Variants in TP63 observed in about 807,000 individuals in gnomAD.
TP63 encodes the protein tumor protein 63.
In TP63, 17 loss-of-function variants were observed where a neutral mutation model predicts 82.8. The observed-to-expected ratio is 0.21, with a 90% CI of 0.14 to 0.31. The LOEUF is 0.31. Among genes scored for constraint, TP63 ranks in the 10% least tolerant of loss-of-function variants. The pLI is 1.00. For missense variants in TP63, 648 were observed against 895.3 expected (o/e 0.72, Z 3.52); for synonymous variants, 330 against 321.7 (o/e 1.03, Z -0.28).
intron 2 of TP63, among the ~76,000 whole-genome samples, chr3:189,738,270 A>C (rs1330643097): frequency 6.6e-6 from 1 of 152,186 alleles, no homozygotes; most frequent in Non-Finnish European, 1.5e-5. Flanking sequence ...TTCTTTATTA[A>C]AACAGGTTTG....
chr3:189,679,475 G>A (rs1006316779), intron 1 of TP63, among the ~76,000 whole-genome samples: 7 of 151,876 alleles, frequency 4.6e-5, no homozygotes, highest in Non-Finnish European at 8.8e-5. Context: ...TTTTAAATTA[G>A]ATTATTTGTT....
In TP63 at chr3:189,896,518, A is replaced by G. The variant is rs115660354; in HGVS notation, c.*2016A>G. On this transcript the variant is annotated 3_prime_UTR_variant, in exon 14 of 14. Transcript: ENST00000264731. ...GATTTCAAAGTTTTGTTGTACTTAAATGGTAATAAGCACTGTAAACTTCTG... is the reference window on the plus strand; with the variant it reads ...GATTTCAAAGTTTTGTTGTACTTAAGTGGTAATAAGCACTGTAAACTTCTG... The G allele has an allele frequency of 3.7e-3, 779 of 208,676 alleles. 5 individuals carry two copies. Among genetic ancestry groups the G allele is most frequent in the African/African-American group, 0.015 (671 of 44,026 alleles). 12.9% of individuals were successfully genotyped at this position (208,676 alleles called of 1,614,324 possible).
chr3:189,833,612 GTCT>G (rs1406662024), intron 4 of TP63, among the ~76,000 whole-genome samples: 4 of 151,564 alleles, frequency 2.6e-5, no homozygotes, highest in Non-Finnish European at 4.4e-5. Flanking sequence ...CCAGCTTCCT[GTCT>G]TCTTAGAAGC....
chr3:189,853,433 C>T (rs563148565), intron 4 of TP63, among the ~76,000 whole-genome samples: 1 of 152,300 alleles, frequency 6.6e-6, no homozygotes, highest in South Asian at 2.1e-4. Context: ...GTGCACTGGC[C>T]TCCATGGCAA....
intron 1 of TP63, among the ~76,000 whole-genome samples, chr3:189,633,818 C>G (rs1353148873): frequency 6.6e-6 from 1 of 152,082 alleles, no homozygotes. Context: ...AGCTCTTACT[C>G]AGCATCTGCT....
chr3:189,672,829 T>A (rs1380754422), intron 1 of TP63, among the ~76,000 whole-genome samples: 3 of 152,156 alleles, frequency 2.0e-5, no homozygotes, highest in South Asian at 2.1e-4. Flanking sequence ...TTGGTTTTTT[T>A]AACATAATTA....
At chr3:189,640,271 A>G (rs1284982106) in intron 1 of TP63, among the ~76,000 whole-genome samples, 1 of 152,102 alleles carries the variant, frequency 6.6e-6, no homozygotes, top group Non-Finnish European at 1.5e-5. Context: ...CAGGCAATAA[A>G]TGAGACAAAA....
chr3:189,801,638 T>G (rs552139311), intron 3 of TP63, among the ~76,000 whole-genome samples: 157 of 152,330 alleles, frequency 1.0e-3, no homozygotes, highest in East Asian at 2.5e-3. Flanking sequence ...CAAATGTTTG[T>G]TGACATTGTT....
At chr3:189,677,380 T>TTATATATTTA (rs1715517562) in intron 1 of TP63, among the ~76,000 whole-genome samples, 1 of 123,072 alleles carries the variant, frequency 8.1e-6, no homozygotes, top group African/African-American at 3.2e-5. Flanking sequence ...ATGTAAATAA[T>TTATATATTTA]TATATATAAA....
the TP63 span, among the ~76,000 whole-genome samples, chr3:189,603,233 G>C: frequency 3.9e-5 from 6 of 152,016 alleles, no homozygotes; most frequent in Admixed American, 3.9e-4. Context: ...ACCAGCAATG[G>C]GCTCAAAGTG....
At chr3:189,742,156 T>C (rs945434103) in intron 3 of TP63, among the ~76,000 whole-genome samples, 1 of 144,742 alleles carries the variant, frequency 6.9e-6, no homozygotes. Context: ...GGCAGGAGAA[T>C]CGCTTGAGCC....
chr3:189,631,200 G>T, upstream of TP63: 1 of 983,312 alleles, frequency 1.0e-6, no homozygotes, highest in Non-Finnish European at 1.2e-6. Context: ...CCAACAACAA[G>T]TGTGGCTACT....
chr3:189,757,039 G>C lies in TP63; in HGVS notation c.324+18265G>C, dbSNP rs575822528. Among the ~76,000 whole-genome samples the C allele has an allele frequency of 8.1e-4, 123 of 152,168 alleles. 4 individuals are homozygous for C. In the South Asian group the frequency reaches 0.025, roughly 31 times the overall value. ...CTATTAGTCATCTGTCCTTTCCTTT[G>C]GCAAAATATGCATACATACATATAT... On this transcript the variant is annotated intron_variant, in intron 3 of 13. Coordinates refer to ENST00000264731, the MANE Select transcript of TP63 (RefSeq NM_003722.5).
intron 3 of TP63, among the ~76,000 whole-genome samples, chr3:189,767,851 T>C (rs1040660713): frequency 2.0e-4 from 30 of 152,282 alleles, no homozygotes; most frequent in African/African-American, 7.2e-4. Flanking sequence ...GACCCTGGAT[T>C]GTAGTCATGA....
intron 4 of TP63, among the ~76,000 whole-genome samples, chr3:189,843,862 A>G (rs373917834): frequency 5.0e-4 from 76 of 152,332 alleles, no homozygotes; most frequent in African/African-American, 1.7e-3. Flanking sequence ...CTTTGTTTCC[A>G]TGATTCACTG....
At chr3:189,864,147 G>C in intron 4 of TP63, 85 bp from the exon 5 acceptor site, 1 of 1,583,240 alleles carries the variant, frequency 6.3e-7, no homozygotes, top group Non-Finnish European at 8.7e-7. Context: ...AAAGTGGACA[G>C]ATTTTCATTG....
chr3:189,672,677 GA>G (rs1221750686), intron 1 of TP63, among the ~76,000 whole-genome samples: 1 of 71,696 alleles, frequency 1.4e-5, no homozygotes, highest in Non-Finnish European at 3.7e-5. Flanking sequence ...AGGAAGGAAG[GA>G]AGGAAGGAAG....
At chr3:189,687,180 A>G (rs915401896) in intron 1 of TP63, among the ~76,000 whole-genome samples, 1 of 152,122 alleles carries the variant, frequency 6.6e-6, no homozygotes, top group Non-Finnish European at 1.5e-5. Context: ...GTTAGGTTCA[A>G]TAGAGTCTGG....
At chr3:189,850,225 G>A (rs569676494) in intron 4 of TP63, among the ~76,000 whole-genome samples, 1 of 152,076 alleles carries the variant, frequency 6.6e-6, no homozygotes, top group South Asian at 2.1e-4. Context: ...GGTGTTGCAG[G>A]GAGCCAAGAT....
Sources: gnomAD v4.1 joint callset for allele counts (sites outside exome capture counted in the v4.1 genomes callset) on GRCh38, gnomAD v4.1.1 for gene constraint, MANE v1.5 for transcripts, NCBI Gene and HGNC (gene_info 2026-07-23, HGNC 2026-07-21) for gene names.